The following CENPP variants were observed in gnomAD, a reference collection of about 807,000 sequenced individuals.
CENPP encodes centromere protein P.
A neutral mutation model predicts 35.6 loss-of-function variants in CENPP; 24 were observed. That is an observed-to-expected ratio of 0.67 (90% CI 0.49 to 0.95). The LOEUF (loss-of-function observed/expected upper bound fraction) is 0.95, where lower values mean the gene tolerates loss of function less well. CENPP is among the 40% of genes least tolerant of loss of function. The probability of loss-of-function intolerance (pLI) is 0.00; values close to 1 mark genes in which losing one functional copy is unlikely to be tolerated. For synonymous variants in CENPP, 120 were observed against 125.5 expected, an observed-to-expected ratio of 0.96 and a Z score of 0.29; for missense variants, 332 against 345.3, an observed-to-expected ratio of 0.96 and a Z score of 0.31.
At chr9:92,372,035 T>C in intron 4 of CENPP, among the ~76,000 whole-genome samples, 1 of 105,254 alleles carries the variant, frequency 9.5e-6, no homozygotes, top group Non-Finnish European at 1.8e-5. Context: ...AGAGTGAGAC[T>C]CCATCTAAAA....
intron 5 of CENPP, among the ~76,000 whole-genome samples, chr9:92,532,029 A>ATTTTTTTTTTTTTTTTTT (rs201461115): frequency 3.3e-5 from 3 of 91,050 alleles, no homozygotes; most frequent in African/African-American, 1.0e-4. Context: ...TTTTTTTTTT[A>ATTTTTTTTTTTTTTTTTT]TTTTATTTTT....
chr9:92,456,243 G>C (rs1208136347), intron 5 of CENPP: 1 of 152,002 alleles, frequency 6.6e-6, no homozygotes, highest in Non-Finnish European at 1.5e-5. Flanking sequence ...AAATTTCCCT[G>C]TTTTCTGATT....
At chr9:92,369,039 A>G (rs562359614) in intron 4 of CENPP, among the ~76,000 whole-genome samples, 119 of 152,316 alleles carry the variant, frequency 7.8e-4, no homozygotes, top group African/African-American at 2.7e-3. Context: ...GCAACACACT[A>G]TCTCTAAAAA....
chr9:92,329,310 G>A (rs562337846), intron 1 of CENPP, among the ~76,000 whole-genome samples: 7 of 149,260 alleles, frequency 4.7e-5, no homozygotes, highest in South Asian at 2.2e-4. Flanking sequence ...TCAGCCTCCC[G>A]AGTAACTGGG....
At chr9:92,428,156 G>A (rs1588123681) in intron 5 of CENPP, among the ~76,000 whole-genome samples, 1 of 152,208 alleles carries the variant, frequency 6.6e-6, no homozygotes. Context: ...GGGGCTATGA[G>A]GAGCAGAGGC....
At chr9:92,398,899 A>G (rs1442446273) in intron 5 of CENPP, among the ~76,000 whole-genome samples, 3 of 152,062 alleles carry the variant, frequency 2.0e-5, no homozygotes, top group African/African-American at 7.2e-5. Context: ...TGTCTCTACT[A>G]AAAATACAAT....
chr9:92,618,608 C>T lies in CENPP; in HGVS notation c.*5459C>T, dbSNP rs1244453855. 4.4e-6 allele frequency: 2 copies of T among 455,832 alleles called. No individual in the cohort carries two copies. Among genetic ancestry groups the T allele is most frequent in the African/African-American group, 4.0e-5 (2 of 50,052 alleles). 28.2% of individuals were successfully genotyped at this position (455,832 alleles called of 1,614,324 possible). On this transcript the variant is annotated 3_prime_UTR_variant, in exon 8 of 8. Transcript: ENST00000375587. ...AGCTTAATCCAGTTAAGGAATTCCT[C>T]ATAACTTAGCCCTGTAGGTATTTCC...
intron 3 of CENPP, chr9:92,341,665 A>G (rs183359554): frequency 6.6e-6 from 1 of 152,346 alleles, no homozygotes; most frequent in Admixed American, 6.5e-5. Flanking sequence ...GAACTACCAC[A>G]TGGTTTGGCC....
intron 4 of CENPP, among the ~76,000 whole-genome samples, chr9:92,355,163 G>A (rs1296520506): frequency 1.1e-4 from 17 of 152,250 alleles, no homozygotes; most frequent in Middle Eastern, 3.4e-3. Context: ...TTACCAGGGC[G>A]GAGTTTTTCC....
At chr9:92,574,376 A>G (rs1207364124) in intron 5 of CENPP, among the ~76,000 whole-genome samples, 1 of 152,214 alleles carries the variant, frequency 6.6e-6, no homozygotes, top group African/African-American at 2.4e-5. Context: ...TACAAAGTGA[A>G]CACACTAAAA....
In CENPP at chr9:92,612,515, T is replaced by A; in HGVS notation, c.645-8T>A. On this transcript the variant is annotated splice_region_variant and splice_polypyrimidine_tract_variant and intron_variant, in intron 6 of 7. Transcript: ENST00000375587. ...AGCACATAACGACATGTTTTACTGC[T>A]TTTTCAGGTTTGAATTAGTCATTGT... 1.2e-6 allele frequency: 2 copies of A among 1,608,634 alleles called. No homozygotes were observed. The highest frequency in any genetic ancestry group is 1.7e-6 in the Non-Finnish European group (2 of 1,174,978).
intron 5 of CENPP, among the ~76,000 whole-genome samples, chr9:92,586,497 C>G (rs1474852068): frequency 6.6e-6 from 1 of 151,848 alleles, no homozygotes; most frequent in Non-Finnish European, 1.5e-5. Flanking sequence ...CATGCATATA[C>G]CAGGGGAAAA....
intron 5 of CENPP, chr9:92,414,639 T>A (rs1843534600): frequency 4.8e-6 from 1 of 208,598 alleles, no homozygotes; most frequent in Non-Finnish European, 9.7e-6. Context: ...GATGTCATAA[T>A]GGTGAGATCA....
At chr9:92,339,113 A>T (rs1328951120) in intron 3 of CENPP, among the ~76,000 whole-genome samples, 1 of 152,212 alleles carries the variant, frequency 6.6e-6, no homozygotes, top group East Asian at 1.9e-4. Context: ...GAGGAACAGA[A>T]CAGGGAAGGG....
At chr9:92,466,076 G>A (rs371518194) in intron 5 of CENPP, among the ~76,000 whole-genome samples, 40 of 152,162 alleles carry the variant, frequency 2.6e-4, no homozygotes, top group African/African-American at 7.7e-4. Context: ...TAGGAGATCC[G>A]CCCGCCTTGG....
At chr9:92,385,428 T>A (rs1842379129) in intron 5 of CENPP, 1 of 524,142 alleles carries the variant, frequency 1.9e-6, no homozygotes. Context: ...TTACTTTGTT[T>A]CGAACGTAGA....
intron 5 of CENPP, among the ~76,000 whole-genome samples, chr9:92,526,001 T>C (rs1019235155): frequency 1.3e-5 from 2 of 152,170 alleles, no homozygotes; most frequent in Admixed American, 6.5e-5. Context: ...ACTATACTTT[T>C]TATCATTGTT....
chr9:92,547,311 G>A (rs1588264588), intron 5 of CENPP, among the ~76,000 whole-genome samples: 3 of 152,334 alleles, frequency 2.0e-5, no homozygotes, highest in African/African-American at 4.8e-5. Flanking sequence ...GTATCCCCAA[G>A]AGAACTGAAA....
chr9:92,604,010 C>G (rs1314212023), intron 5 of CENPP, among the ~76,000 whole-genome samples: 1 of 152,200 alleles, frequency 6.6e-6, no homozygotes, highest in Non-Finnish European at 1.5e-5. Flanking sequence ...AGTTTTGGCG[C>G]TCTTACTAAT....
Sources: allele counts gnomAD v4.1 joint callset (sites outside exome capture counted in the v4.1 genomes callset), GRCh38; gene constraint gnomAD v4.1.1; transcripts MANE v1.5; gene names NCBI Gene and HGNC (gene_info 2026-07-23, HGNC 2026-07-21).